The following MCTP1 variants were observed in gnomAD, a reference collection of about 807,000 sequenced individuals.
The protein encoded by MCTP1 is multiple C2 and transmembrane domain-containing protein 1.
Under a neutral mutation model 120.6 loss-of-function variants are expected in MCTP1, and 69 were observed. The observed-to-expected ratio is 0.57, with a 90% CI of 0.47 to 0.70. The LOEUF is 0.70. Ranked by LOEUF, MCTP1 falls within the 30% of genes least tolerant of loss-of-function variation. The probability of loss-of-function intolerance (pLI) is 0.00; values close to 1 mark genes in which losing one functional copy is unlikely to be tolerated. For synonymous variants in MCTP1, 529 were observed against 493.1 expected (o/e 1.07, Z -0.96); for missense variants, 1,203 against 1,248.8 (o/e 0.96, Z 0.55).
chr5:94,985,241 G>A (rs963403720), intron 2 of MCTP1, among the ~76,000 whole-genome samples: 3 of 152,080 alleles, frequency 2.0e-5, no homozygotes, highest in Admixed American at 6.5e-5. Context: ...TTTGGAGACA[G>A]GCCAGTAAGA....
chr5:94,895,464 C>G (rs770243801), intron 10 of MCTP1, among the ~76,000 whole-genome samples: 8 of 152,162 alleles, frequency 5.3e-5, no homozygotes, highest in Non-Finnish European at 1.0e-4. Context: ...GTATGCCACT[C>G]TCTCAGAGCT....
At chr5:94,967,666 T>C (rs2153569910) in intron 2 of MCTP1, among the ~76,000 whole-genome samples, 1 of 152,340 alleles carries the variant, frequency 6.6e-6, no homozygotes, top group South Asian at 2.1e-4. Context: ...GAGACTGGTG[T>C]CAGAGAGAGA....
intron 2 of MCTP1, among the ~76,000 whole-genome samples, chr5:94,985,426 C>T (rs994671031): frequency 1.3e-5 from 2 of 152,042 alleles, no homozygotes; most frequent in African/African-American, 4.8e-5. Flanking sequence ...AATTTTTACA[C>T]CTACAATGTC....
At chr5:95,024,873 A>G (rs891366215) in intron 1 of MCTP1, among the ~76,000 whole-genome samples, 4 of 152,178 alleles carry the variant, frequency 2.6e-5, no homozygotes, top group Non-Finnish European at 2.9e-5. Context: ...AAGGTGAAAG[A>G]TCTGTGTATT....
chr5:95,108,484 T>G (rs1265375581), intron 1 of MCTP1, among the ~76,000 whole-genome samples: 1 of 152,172 alleles, frequency 6.6e-6, no homozygotes, highest in Non-Finnish European at 1.5e-5. Flanking sequence ...CTAATATATT[T>G]TAAAAGTGGT....
intron 6 of MCTP1, among the ~76,000 whole-genome samples, chr5:94,925,225 AG>A (rs1216094939): frequency 4.6e-5 from 7 of 152,234 alleles, no homozygotes; most frequent in Non-Finnish European, 1.0e-4. Flanking sequence ...CACAATAATA[AG>A]GCACCTGGCA....
chr5:94,948,331 A>G (rs1819617505), intron 3 of MCTP1, among the ~76,000 whole-genome samples: 1 of 152,200 alleles, frequency 6.6e-6, no homozygotes, highest in South Asian at 2.1e-4. Context: ...CCATGGTAGT[A>G]ACCATTACTA....
chr5:95,242,234 T>C (rs1041417448), intron 1 of MCTP1, among the ~76,000 whole-genome samples: 5 of 152,170 alleles, frequency 3.3e-5, no homozygotes, highest in African/African-American at 9.6e-5. Flanking sequence ...TTGTGTTTCC[T>C]ACTTATTTCT....
intron 1 of MCTP1, among the ~76,000 whole-genome samples, chr5:95,103,236 C>G (rs1468310367): frequency 6.6e-6 from 1 of 151,960 alleles, no homozygotes; most frequent in Non-Finnish European, 1.5e-5. Context: ...ATGAACATCA[C>G]AAATATATAC....
chr5:95,171,237 C>T (rs995869460), intron 1 of MCTP1, among the ~76,000 whole-genome samples: 35 of 152,176 alleles, frequency 2.3e-4, no homozygotes, highest in African/African-American at 7.7e-4. Flanking sequence ...TGAATATTGG[C>T]CCCCACTCTC....
At chr5:94,989,125 G>A (rs908479921) in intron 2 of MCTP1, among the ~76,000 whole-genome samples, 3 of 152,140 alleles carry the variant, frequency 2.0e-5, no homozygotes, top group African/African-American at 4.8e-5. Flanking sequence ...GAGATGGGAT[G>A]TTGCTGTGTT....
intron 1 of MCTP1, among the ~76,000 whole-genome samples, chr5:95,183,566 A>C (rs972643097): frequency 6.6e-6 from 1 of 152,146 alleles, no homozygotes; most frequent in Non-Finnish European, 1.5e-5. Flanking sequence ...TGAAATACAT[A>C]TATCTGACAT....
chr5:95,211,743 G>C (rs1258866915), intron 1 of MCTP1, among the ~76,000 whole-genome samples: 31 of 152,198 alleles, frequency 2.0e-4, no homozygotes, highest in Admixed American at 2.0e-3. Context: ...TGGAGGAGGA[G>C]AGGTGCTCTG....
At chr5:95,169,086 T>C (rs1398148595) in intron 1 of MCTP1, among the ~76,000 whole-genome samples, 2 of 152,228 alleles carry the variant, frequency 1.3e-5, no homozygotes, top group Non-Finnish European at 2.9e-5. Flanking sequence ...ATACCTAATT[T>C]ATTGAGTTTT....
intron 16 of MCTP1, 48 bp from the exon 17 acceptor site, chr5:94,868,500 A>G (rs1186011825): frequency 6.2e-6 from 9 of 1,448,556 alleles, no homozygotes; most frequent in Admixed American, 2.1e-5. Context: ...ACTAAAAACC[A>G]TCAGATATAC....
chr5:95,027,310 A>G (rs1419841904), intron 1 of MCTP1, among the ~76,000 whole-genome samples: 1 of 152,240 alleles, frequency 6.6e-6, no homozygotes, highest in African/African-American at 2.4e-5. Flanking sequence ...CCCCTTGCTC[A>G]TAGCTGATTA....
intron 17 of MCTP1, among the ~76,000 whole-genome samples, chr5:94,857,798 A>G (rs1324171301): frequency 6.6e-6 from 1 of 151,750 alleles, no homozygotes; most frequent in African/African-American, 2.4e-5. Context: ...ACCTCACATA[A>G]TTTAAATAAC....
intron 19 of MCTP1, among the ~76,000 whole-genome samples, chr5:94,737,731 C>T (rs1171986709): frequency 6.6e-6 from 1 of 152,174 alleles, no homozygotes; most frequent in Admixed American, 6.5e-5. Flanking sequence ...GCTGGAGTCC[C>T]GTGGTGCGAT....
chr5:94,827,604 A>G (rs1414677579), intron 17 of MCTP1, among the ~76,000 whole-genome samples: 1 of 152,116 alleles, frequency 6.6e-6, no homozygotes, highest in African/African-American at 2.4e-5. Flanking sequence ...AGGTACACCA[A>G]TCAAATGTAG....
Sources: allele counts gnomAD v4.1 joint callset (sites outside exome capture counted in the v4.1 genomes callset), GRCh38; gene constraint gnomAD v4.1.1; transcripts MANE v1.5; gene names NCBI Gene and HGNC (gene_info 2026-07-23, HGNC 2026-07-21).